The following MYH14 variants were observed in gnomAD, a reference collection of about 807,000 sequenced individuals.
MYH14 encodes myosin heavy chain 14.
A neutral mutation model predicts 255.5 loss-of-function variants in MYH14; 123 were observed. That is an observed-to-expected ratio of 0.48 (90% CI 0.42 to 0.56). MYH14 has a LOEUF of 0.56. Among genes scored for constraint, MYH14 ranks in the 20% least tolerant of loss-of-function variants. The pLI is 0.00. For synonymous variants in MYH14, 1,095 were observed against 1,161.2 expected, an observed-to-expected ratio of 0.94 and a Z score of 1.16; for missense variants, 2,423 against 2,802.3, an observed-to-expected ratio of 0.86 and a Z score of 3.06.
intron 13 of MYH14, 44 bp downstream of exon 13, chr19:50,249,183 G>T (rs368162145): frequency 1.3e-6 from 2 of 1,514,038 alleles, no homozygotes; most frequent in Non-Finnish European, 1.8e-6. Context: ...TCCTCACTCC[G>T]GTCCTGGTCC....
intron 10 of MYH14, among the ~76,000 whole-genome samples, chr19:50,233,456 C>T (rs530536217): frequency 1.1e-3 from 162 of 152,276 alleles, no homozygotes; most frequent in Middle Eastern, 6.8e-3. Context: ...AGGCGTGAGC[C>T]GCTGCGCCCA....
chr19:50,271,019 T>A (rs1290286945), intron 24 of MYH14, among the ~76,000 whole-genome samples: 1 of 152,128 alleles, frequency 6.6e-6, no homozygotes, highest in Non-Finnish European at 1.5e-5. Flanking sequence ...TAGTTTATAA[T>A]CTGTACCCCT....
chr19:50,206,223 G>A (rs2031740780), intron 1 of MYH14, among the ~76,000 whole-genome samples: 1 of 152,018 alleles, frequency 6.6e-6, no homozygotes, highest in Non-Finnish European at 1.5e-5. Flanking sequence ...GAGGGGGCTG[G>A]GGGCTCAGAC....
intron 10 of MYH14, among the ~76,000 whole-genome samples, chr19:50,238,672 G>A (rs777363874): frequency 5.9e-5 from 9 of 152,040 alleles, no homozygotes; most frequent in Admixed American, 2.6e-4. Context: ...GGCTGGTCTC[G>A]AACTCCTGAC....
intron 10 of MYH14, among the ~76,000 whole-genome samples, chr19:50,235,852 T>C (rs2033634433): frequency 6.6e-6 from 1 of 151,964 alleles, no homozygotes; most frequent in African/African-American, 2.4e-5. Flanking sequence ...CTGGACCCCC[T>C]CTCCACTGCC....
chr19:50,232,104 G>T lies in MYH14; in HGVS notation c.1114+34G>T, dbSNP rs370532598. On this transcript the variant is annotated intron_variant, in intron 10 of 42. Transcript: ENST00000642316. ...GCCCCGTGGAGGCCAGGGGTAGGGGGGAACCCCACGGAGAGCTGGGGACCT... is the reference window on the plus strand; with the variant it reads ...GCCCCGTGGAGGCCAGGGGTAGGGGTGAACCCCACGGAGAGCTGGGGACCT... 5 of 1,604,806 alleles carry T rather than the reference G, an allele frequency of 3.1e-6. No individual in the cohort carries two copies. In the African/African-American group the frequency reaches 5.3e-5, roughly 17 times the overall value.
intron 42 of MYH14, 94 bp from the exon 43 acceptor site, chr19:50,309,546 T>C: frequency 1.2e-6 from 1 of 831,794 alleles, no homozygotes; most frequent in Non-Finnish European, 2.0e-6. Context: ...CCTATCTCTC[T>C]CTCTCTCCCC....
Position 50,278,083 on chromosome 19 carries a change from G to C in MYH14, c.3826G>C (p.Gly1276Arg). 2.6e-6 allele frequency: 4 copies of C among 1,566,122 alleles called. No homozygotes were observed. Among genetic ancestry groups the C allele is most frequent in the Non-Finnish European group, 3.5e-6 (4 of 1,149,052 alleles). ...TTTGCTCATCTCCTTCCCACACCAG[G>C]GCAAAGGTGCATGGGAGAAGACCCG... ...LAEQLEQARRGKGAWEKTRLA... is the reference protein window; with the variant it reads ...LAEQLEQARRRKGAWEKTRLA... The change falls in exon 30 of 43, where the codon GGC becomes CGC. Residue 1276 changes from glycine (G) to arginine (R), a missense_variant and splice_region_variant. This residue lies in a region of MYH14 where 1,513 missense variants were observed against 1,674.8 expected (regional missense o/e 0.90). Transcript: ENST00000642316.
intron 11 of MYH14, 64 bp from the exon 12 acceptor site, chr19:50,246,940 C>A: frequency 8.4e-7 from 1 of 1,188,694 alleles, no homozygotes; most frequent in Non-Finnish European, 1.2e-6. Context: ...GGTACCCTCT[C>A]CCTTGCTGGG....
chr19:50,232,299 A>G (rs947105186), intron 10 of MYH14, among the ~76,000 whole-genome samples: 1 of 152,184 alleles, frequency 6.6e-6, no homozygotes, highest in Non-Finnish European at 1.5e-5. Context: ...CTGTTAGTAG[A>G]CTATGAGTGC....
At chr19:50,208,292 G>A (rs773540803) in intron 1 of MYH14, among the ~76,000 whole-genome samples, 2 of 152,190 alleles carry the variant, frequency 1.3e-5, no homozygotes, top group Non-Finnish European at 2.9e-5. Context: ...GCATGCGCCT[G>A]TAATCCCAGC....
rs142375987 is a variant in MYH14, at chr19:50,303,189, C to G, written c.5678+1320C>G. Among the ~76,000 whole-genome samples the G allele has an allele frequency of 3.0e-4, 46 of 152,308 alleles. 1 individual carries two copies. The highest frequency in any genetic ancestry group is 1.1e-3 in the African/African-American group (45 of 41,574). ...GGGCTTGGTGGGCTTCACTCATCAT[C>G]CGCTCAGTTGAGGGTCAGCTAGATG... On this transcript the variant is annotated intron_variant, in intron 40 of 42. Coordinates refer to ENST00000642316, the MANE Select transcript of MYH14 (RefSeq NM_001145809.2).
chr19:50,242,489 G>A (rs1426446272), intron 10 of MYH14, among the ~76,000 whole-genome samples: 3 of 152,082 alleles, frequency 2.0e-5, no homozygotes, highest in African/African-American at 2.4e-5. Context: ...CTCAGATCTC[G>A]TGAGACTTAT....
intron 19 of MYH14, among the ~76,000 whole-genome samples, chr19:50,259,510 G>A (rs148234090): frequency 2.2e-4 from 33 of 152,356 alleles, no homozygotes; most frequent in African/African-American, 7.2e-4. Context: ...CATTGCTGCT[G>A]CTGTTTAGGG....
chr19:50,257,283 C>T lies in MYH14; in HGVS notation c.2045-16C>T, dbSNP rs1473665536. The T allele has an allele frequency of 6.3e-7, 1 of 1,585,040 alleles. No homozygotes were observed. Among genetic ancestry groups the T allele is most frequent in the East Asian group, 2.3e-5 (1 of 44,152 alleles). On this transcript the variant is annotated splice_polypyrimidine_tract_variant and intron_variant, in intron 17 of 42. Coordinates refer to ENST00000642316, the MANE Select transcript of MYH14 (RefSeq NM_001145809.2). ...CCTGACCTCCTTCTCTCTCTCTCTGCATCTCCATCTGACAGTGGAGGGCAT... is the reference window on the plus strand; with the variant it reads ...CCTGACCTCCTTCTCTCTCTCTCTGTATCTCCATCTGACAGTGGAGGGCAT...
At chr19:50,207,140 A>G (rs2123139710) in intron 1 of MYH14, among the ~76,000 whole-genome samples, 1 of 149,766 alleles carries the variant, frequency 6.7e-6, no homozygotes, top group Middle Eastern at 3.5e-3. Flanking sequence ...TGAGAGGATC[A>G]CTTGAACACA....
Position 50,301,858 on chromosome 19 carries a change from G to A in MYH14, c.5667G>A (p.Glu1889=), listed in dbSNP as rs902848486. 1.2e-6 allele frequency: 2 copies of A among 1,611,842 alleles called. No homozygotes were observed. Among genetic ancestry groups the A allele is most frequent in the Non-Finnish European group, 1.7e-6 (2 of 1,179,054 alleles). ...SKLAQAEEQL[E]QETRERILSG... ...TGGCCCAGGCTGAGGAGCAGCTAGAGCAAGAGACCAGGTAGGTGAGAGCGG... is the reference window on the plus strand; with the variant it reads ...TGGCCCAGGCTGAGGAGCAGCTAGAACAAGAGACCAGGTAGGTGAGAGCGG... Residue 1889 remains glutamate, a synonymous_variant, in exon 40 of 43, where the codon GAG becomes GAA. Coordinates refer to ENST00000642316, the MANE Select transcript of MYH14 (RefSeq NM_001145809.2).
At chr19:50,236,481 A>G (rs1441715079) in intron 10 of MYH14, among the ~76,000 whole-genome samples, 1 of 152,134 alleles carries the variant, frequency 6.6e-6, no homozygotes, top group Non-Finnish European at 1.5e-5. Context: ...AGGCCGAGGC[A>G]GGCGGATCAT....
At chr19:50,248,144 G>T (rs1242595432) in intron 12 of MYH14, among the ~76,000 whole-genome samples, 1 of 152,092 alleles carries the variant, frequency 6.6e-6, no homozygotes, top group Non-Finnish European at 1.5e-5. Context: ...GAGAGGGTGG[G>T]TGAATCCACA....
Sources: gnomAD v4.1 joint callset for allele counts (sites outside exome capture counted in the v4.1 genomes callset) on GRCh38, gnomAD v4.1.1 for gene constraint, gnomAD v4.1.1 regional missense constraint, MANE v1.5 for transcripts, NCBI Gene and HGNC (gene_info 2026-07-23, HGNC 2026-07-21) for gene names.